Variants in B3GALT1 observed in about 807,000 individuals in gnomAD.
B3GALT1 encodes the protein beta-1,3-galactosyltransferase 1.
In B3GALT1, 10 loss-of-function variants were observed where a neutral mutation model predicts 23.2. The observed-to-expected ratio is 0.43, with a 90% CI of 0.27 to 0.73. The LOEUF is 0.73. B3GALT1 is among the 30% of genes least tolerant of loss of function. The pLI, the probability that B3GALT1 is intolerant of heterozygous loss-of-function variation, is 0.21. For missense variants in B3GALT1, 299 were observed against 405.4 expected (o/e 0.74, Z 2.25); for synonymous variants, 156 against 141.5 (o/e 1.10, Z -0.73).
intron 2 of B3GALT1, among the ~76,000 whole-genome samples, chr2:167,494,977 T>C (rs1699761594): frequency 6.6e-6 from 1 of 152,162 alleles, no homozygotes; most frequent in Non-Finnish European, 1.5e-5. Flanking sequence ...TGCTGTGGGG[T>C]AGACAATTTC....
intron 2 of B3GALT1, among the ~76,000 whole-genome samples, chr2:167,583,037 A>G (rs947494436): frequency 1.3e-5 from 2 of 152,150 alleles, no homozygotes; most frequent in African/African-American, 2.4e-5. Context: ...GTTAGTAAGC[A>G]TCTACCCCAC....
At chr2:167,675,090 G>A (rs1283647297) in intron 3 of B3GALT1, among the ~76,000 whole-genome samples, 1 of 152,142 alleles carries the variant, frequency 6.6e-6, no homozygotes, top group Admixed American at 6.5e-5. Flanking sequence ...CACCTTGGTG[G>A]CTGAGCTCTT....
intron 1 of B3GALT1, among the ~76,000 whole-genome samples, chr2:167,330,884 A>G (rs915757832): frequency 6.6e-5 from 10 of 151,446 alleles, no homozygotes; most frequent in Non-Finnish European, 1.3e-4. Flanking sequence ...ATTCCTTTGA[A>G]TGTATCAATT....
chr2:167,355,730 T>G (rs1697390447), intron 1 of B3GALT1, among the ~76,000 whole-genome samples: 1 of 152,142 alleles, frequency 6.6e-6, no homozygotes, highest in Non-Finnish European at 1.5e-5. Context: ...TCCATTGTGT[T>G]TTTTTTAGAC....
At chr2:167,818,419 T>C (rs1185271083) in intron 3 of B3GALT1, among the ~76,000 whole-genome samples, 1 of 152,188 alleles carries the variant, frequency 6.6e-6, no homozygotes, top group African/African-American at 2.4e-5. Context: ...GGCTCATTGA[T>C]ACCACCTGCA....
intron 1 of B3GALT1, among the ~76,000 whole-genome samples, chr2:167,366,225 A>G (rs1015311675): frequency 1.6e-4 from 25 of 152,214 alleles, no homozygotes; most frequent in African/African-American, 6.0e-4. Context: ...ACTTAAAATT[A>G]TATAGAAAAT....
chr2:167,720,647 G>A (rs1404169622), intron 3 of B3GALT1, among the ~76,000 whole-genome samples: 1 of 152,178 alleles, frequency 6.6e-6, no homozygotes, highest in Admixed American at 6.5e-5. Context: ...CATCTACTCA[G>A]TGTCATTCAA....
chr2:167,481,072 C>T (rs2105336270), intron 1 of B3GALT1, among the ~76,000 whole-genome samples: 1 of 152,260 alleles, frequency 6.6e-6, no homozygotes, highest in Non-Finnish European at 1.5e-5. Context: ...ACTTGCAATT[C>T]AAAACCATGG....
In B3GALT1 at chr2:167,444,652, G is replaced by A. The variant is rs182871073; in HGVS notation, c.-510-45525G>A. On this transcript the variant is annotated intron_variant, in intron 1 of 4. Transcript: ENST00000392690. Reference sequence around the variant, plus strand: ...CTTCTAGATTTTCTAGTTTATTTGCGTAGAGGTGTTTGTAGTATTCTCTGA... The same window carrying A: ...CTTCTAGATTTTCTAGTTTATTTGCATAGAGGTGTTTGTAGTATTCTCTGA... Among the ~76,000 whole-genome samples the A allele has an allele frequency of 3.4e-3, 524 of 152,238 alleles. 3 individuals carry two copies. Among genetic ancestry groups the A allele is most frequent in the African/African-American group, 0.01 (436 of 41,546 alleles).
At chr2:167,703,221 C>G (rs540149858) in intron 3 of B3GALT1, among the ~76,000 whole-genome samples, 3 of 152,280 alleles carry the variant, frequency 2.0e-5, no homozygotes, top group African/African-American at 7.2e-5. Flanking sequence ...AAATGAGGCT[C>G]AGTAAGGTTT....
At chr2:167,831,877 A>C (rs1013939501) in intron 4 of B3GALT1, among the ~76,000 whole-genome samples, 4 of 152,222 alleles carry the variant, frequency 2.6e-5, no homozygotes, top group South Asian at 2.1e-4. Context: ...AGTGTCTAAT[A>C]GTCTTTTATA....
At chr2:167,837,200 A>G (rs1314044189) in intron 4 of B3GALT1, among the ~76,000 whole-genome samples, 7 of 148,618 alleles carry the variant, frequency 4.7e-5, no homozygotes, top group South Asian at 2.1e-4. Flanking sequence ...ATGTAAATAG[A>G]CTAAATGCTC....
At chr2:167,753,374 C>A (rs575778636) in intron 3 of B3GALT1, among the ~76,000 whole-genome samples, 11 of 152,176 alleles carry the variant, frequency 7.2e-5, no homozygotes, top group Non-Finnish European at 1.5e-4. Context: ...CCCTGACCAG[C>A]AGGTGAAACC....
intron 1 of B3GALT1, among the ~76,000 whole-genome samples, chr2:167,444,952 T>A (rs138639385): frequency 0.017 from 2,640 of 152,244 alleles, 82 homozygotes; most frequent in African/African-American, 0.061. Context: ...ATTAATTGTG[T>A]TGTTAGGGTG....
intron 3 of B3GALT1, among the ~76,000 whole-genome samples, chr2:167,720,118 G>C (rs969476084): frequency 6.6e-6 from 1 of 152,022 alleles, no homozygotes; most frequent in Non-Finnish European, 1.5e-5. Flanking sequence ...TTTACATAAT[G>C]GGCTTTCTCA....
chr2:167,643,278 T>A (rs538713575), intron 2 of B3GALT1, among the ~76,000 whole-genome samples: 38 of 152,336 alleles, frequency 2.5e-4, no homozygotes, highest in Admixed American at 1.6e-3. Flanking sequence ...ATTTTTGGGA[T>A]ATTATCTCTT....
intron 3 of B3GALT1, among the ~76,000 whole-genome samples, chr2:167,710,395 T>C (rs1687030035): frequency 6.6e-6 from 1 of 152,214 alleles, no homozygotes; most frequent in Non-Finnish European, 1.5e-5. Context: ...TTAAAACTTT[T>C]CATTTTACAG....
intron 1 of B3GALT1, among the ~76,000 whole-genome samples, chr2:167,325,639 T>G (rs1443905660): frequency 6.6e-6 from 1 of 151,250 alleles, no homozygotes; most frequent in Non-Finnish European, 1.5e-5. Context: ...CCATATCAAG[T>G]GGGATTGCTG....
intron 1 of B3GALT1, among the ~76,000 whole-genome samples, chr2:167,417,109 A>G (rs981649485): frequency 2.0e-5 from 3 of 152,134 alleles, no homozygotes; most frequent in African/African-American, 7.2e-5. Context: ...CAGGGGTGGG[A>G]TGCTATGGTT....
Sources: gnomAD v4.1 joint callset for allele counts (sites outside exome capture counted in the v4.1 genomes callset) on GRCh38, gnomAD v4.1.1 for gene constraint, MANE v1.5 for transcripts, NCBI Gene and HGNC (gene_info 2026-07-23, HGNC 2026-07-21) for gene names.